The following ENOX1 variants were observed in gnomAD, a reference collection of about 807,000 sequenced individuals.
ENOX1 encodes the protein candidate growth-related and time keeping constitutive hydroquinone (NADH) oxidase.
ENOX1 carries 42 observed loss-of-function variants against 82.5 expected under a neutral mutation model. The observed-to-expected ratio is 0.51, with a 90% CI of 0.40 to 0.66. The LOEUF is 0.66. ENOX1 is among the 30% of genes least tolerant of loss of function. The pLI is 0.00. For synonymous variants in ENOX1, 271 were observed against 282.2 expected, an observed-to-expected ratio of 0.96 and a Z score of 0.40; for missense variants, 608 against 811.6, an observed-to-expected ratio of 0.75 and a Z score of 3.05.
intron 1 of ENOX1, among the ~76,000 whole-genome samples, chr13:43,673,717 G>A (rs2085373658): frequency 6.6e-6 from 1 of 152,206 alleles, no homozygotes; most frequent in Non-Finnish European, 1.5e-5. Flanking sequence ...TTTGGTAAAT[G>A]AAAGAAGGCA....
chr13:43,568,093 C>T (rs568665401), intron 2 of ENOX1, among the ~76,000 whole-genome samples: 1 of 152,272 alleles, frequency 6.6e-6, no homozygotes, highest in South Asian at 2.1e-4. Context: ...CCCTAGGTGA[C>T]GAACCTTTGT....
intron 1 of ENOX1, among the ~76,000 whole-genome samples, chr13:43,783,174 T>C (rs1952372059): frequency 1.3e-5 from 2 of 152,132 alleles, no homozygotes; most frequent in African/African-American, 4.8e-5. Flanking sequence ...TATAGACAAC[T>C]ACCAAAGCAA....
At chr13:43,491,357 G>T (rs1230894371) in intron 2 of ENOX1, among the ~76,000 whole-genome samples, 1 of 152,126 alleles carries the variant, frequency 6.6e-6, no homozygotes, top group Non-Finnish European at 1.5e-5. Context: ...ATTTGGAGGG[G>T]ACAAACATCC....
intron 1 of ENOX1, among the ~76,000 whole-genome samples, chr13:43,737,128 A>G (rs2089671425): frequency 6.6e-6 from 1 of 152,202 alleles, no homozygotes; most frequent in South Asian, 2.1e-4. Flanking sequence ...TGATGTGTGT[A>G]ATAAAATCAA....
chr13:43,785,364 C>T (rs1184783321), intron 1 of ENOX1, among the ~76,000 whole-genome samples: 1 of 152,148 alleles, frequency 6.6e-6, no homozygotes, highest in South Asian at 2.1e-4. Flanking sequence ...ATTTCCTTCC[C>T]ACTTTCTCCA....
intron 12 of ENOX1, among the ~76,000 whole-genome samples, chr13:43,278,241 A>C: frequency 6.6e-6 from 1 of 152,150 alleles, no homozygotes; most frequent in Non-Finnish European, 1.5e-5. Context: ...TTTATGTGGC[A>C]ACTGATTTGG....
intron 1 of ENOX1, among the ~76,000 whole-genome samples, chr13:43,776,990 C>A (rs1446905873): frequency 1.3e-5 from 2 of 152,120 alleles, no homozygotes; most frequent in Non-Finnish European, 2.9e-5. Context: ...AATGCTGTAC[C>A]CAACACCAGA....
At chr13:43,486,655 C>A (rs1057276007) in intron 2 of ENOX1, among the ~76,000 whole-genome samples, 1 of 152,108 alleles carries the variant, frequency 6.6e-6, no homozygotes, top group Non-Finnish European at 1.5e-5. Flanking sequence ...GAAGGTGGTA[C>A]CAGTAGGTGT....
chr13:43,221,139 C>T (rs567647628), intron 16 of ENOX1, among the ~76,000 whole-genome samples: 100 of 152,282 alleles, frequency 6.6e-4, no homozygotes, highest in African/African-American at 2.1e-3. Context: ...GGCCACATTA[C>T]GCTGAGTCTG....
chr13:43,469,998 A>G (rs912172876), intron 3 of ENOX1, among the ~76,000 whole-genome samples: 12 of 151,768 alleles, frequency 7.9e-5, no homozygotes, highest in Non-Finnish European at 1.8e-4. Context: ...GATCTTTAAG[A>G]ATAACATTAA....
At chr13:43,620,546 G>T (rs1299567086) in intron 2 of ENOX1, among the ~76,000 whole-genome samples, 1 of 152,028 alleles carries the variant, frequency 6.6e-6, no homozygotes, top group Non-Finnish European at 1.5e-5. Context: ...CCATGTATTT[G>T]CATGGTTTTG....
intron 14 of ENOX1, among the ~76,000 whole-genome samples, chr13:43,250,142 T>G (rs1291370303): frequency 6.6e-6 from 1 of 152,198 alleles, no homozygotes; most frequent in Non-Finnish European, 1.5e-5. Flanking sequence ...AGTAAGTAGC[T>G]TCCTTAAGTT....
At chr13:43,366,093 T>C (rs1435315841) in intron 5 of ENOX1, among the ~76,000 whole-genome samples, 1 of 152,222 alleles carries the variant, frequency 6.6e-6, no homozygotes, top group African/African-American at 2.4e-5. Flanking sequence ...AATTGACAAG[T>C]CTTGTTGTTC....
At chr13:43,463,998 G>T (rs953978230) in intron 3 of ENOX1, among the ~76,000 whole-genome samples, 1 of 152,122 alleles carries the variant, frequency 6.6e-6, no homozygotes, top group African/African-American at 2.4e-5. Flanking sequence ...CTATTTGCAG[G>T]CAAGAGGCAT....
intron 3 of ENOX1, among the ~76,000 whole-genome samples, chr13:43,431,040 TAA>T (rs35144010): frequency 1.4e-3 from 215 of 151,142 alleles, no homozygotes; most frequent in Non-Finnish European, 1.5e-3. Context: ...CAAATGAACA[TAA>T]AAAAAAAATC....
chr13:43,478,054 GTTTTTTTTTT>G (rs756717438), intron 3 of ENOX1, among the ~76,000 whole-genome samples: 1 of 100,450 alleles, frequency 1.0e-5, no homozygotes, highest in Non-Finnish European at 1.9e-5. Context: ...AGCCAGAGAG[GTTTTTTTTTT>G]TTTTTTTTTT....
At chr13:43,304,665 T>C (rs2046765090) in intron 11 of ENOX1, among the ~76,000 whole-genome samples, 1 of 152,194 alleles carries the variant, frequency 6.6e-6, no homozygotes, top group South Asian at 2.1e-4. Context: ...GGATGATTTA[T>C]GGAGAAGTTA....
intron 2 of ENOX1, among the ~76,000 whole-genome samples, chr13:43,507,943 C>T (rs560412535): frequency 4.3e-4 from 65 of 151,962 alleles, no homozygotes; most frequent in African/African-American, 1.5e-3. Flanking sequence ...GATTTTTAAC[C>T]ATTAGAATCA....
intron 14 of ENOX1, among the ~76,000 whole-genome samples, chr13:43,264,965 A>C (rs770755567): frequency 6.6e-6 from 1 of 152,212 alleles, no homozygotes; most frequent in Non-Finnish European, 1.5e-5. Flanking sequence ...TTCAAGGGCT[A>C]TTCTGAGAGA....
Sources: gnomAD v4.1 joint callset for allele counts (sites outside exome capture counted in the v4.1 genomes callset) on GRCh38, gnomAD v4.1.1 for gene constraint, MANE v1.5 for transcripts, NCBI Gene and HGNC (gene_info 2026-07-23, HGNC 2026-07-21) for gene names.